The following OXR1 variants were observed in gnomAD, a reference collection of about 807,000 sequenced individuals.
OXR1 encodes oxidation resistance protein 1.
A neutral mutation model predicts 104.6 loss-of-function variants in OXR1; 41 were observed. That is an observed-to-expected ratio of 0.39 (90% CI 0.31 to 0.51). OXR1 has a LOEUF of 0.51. Ranked by LOEUF, OXR1 falls within the 20% of genes least tolerant of loss-of-function variation. The pLI is 0.77. For missense variants in OXR1, 955 were observed against 1,031.9 expected (o/e 0.93, Z 1.02); for synonymous variants, 348 against 348.4 (o/e 1.00, Z 0.01).
intron 2 of OXR1, among the ~76,000 whole-genome samples, chr8:106,391,284 A>G (rs1000890381): frequency 6.6e-6 from 1 of 152,240 alleles, no homozygotes; most frequent in Admixed American, 6.5e-5. Context: ...TTTACAAAAA[A>G]TACTTTAACA....
At chr8:106,597,620 G>T (rs1413398859) in intron 3 of OXR1, among the ~76,000 whole-genome samples, 1 of 152,112 alleles carries the variant, frequency 6.6e-6, no homozygotes, top group Non-Finnish European at 1.5e-5. Context: ...AGCTTGCAAA[G>T]TTCTTCTCAC....
At chr8:106,362,709 A>G (rs551340523) in intron 2 of OXR1, among the ~76,000 whole-genome samples, 8 of 152,322 alleles carry the variant, frequency 5.3e-5, no homozygotes, top group Non-Finnish European at 8.8e-5. Flanking sequence ...AAATAGAAAC[A>G]AAGGGATGCG....
chr8:106,626,838 TATA>T (rs1822211211), intron 3 of OXR1, among the ~76,000 whole-genome samples: 1 of 151,000 alleles, frequency 6.6e-6, no homozygotes, highest in African/African-American at 2.4e-5. Context: ...AAATATATAT[TATA>T]ATTATCATAT....
At chr8:106,290,887 A>T (rs1240650788) in intron 1 of OXR1, among the ~76,000 whole-genome samples, 1 of 152,132 alleles carries the variant, frequency 6.6e-6, no homozygotes, top group African/African-American at 2.4e-5. Flanking sequence ...CAGTTTGGAG[A>T]TTTCTCAAAT....
intron 2 of OXR1, among the ~76,000 whole-genome samples, chr8:106,373,654 A>G (rs1816798094): frequency 6.6e-6 from 1 of 152,114 alleles, no homozygotes. Context: ...CAATGGCATG[A>G]TCTTAGCTCA....
At chr8:106,717,814 TGTA>T (rs1444748797) in intron 11 of OXR1, among the ~76,000 whole-genome samples, 1 of 101,198 alleles carries the variant, frequency 9.9e-6, no homozygotes, top group Non-Finnish European at 2.1e-5. Context: ...TTACATCAGT[TGTA>T]GTAAATATTT....
intron 1 of OXR1, among the ~76,000 whole-genome samples, chr8:106,356,585 T>C (rs949531478): frequency 5.9e-5 from 9 of 152,152 alleles, no homozygotes; most frequent in South Asian, 2.1e-4. Context: ...TCTCCACTTA[T>C]GGTTTTTAGT....
rs1587262418 is a variant in OXR1 at position 106,728,302 on chromosome 8, G to A, written c.1957-9218G>A. Among the ~76,000 whole-genome samples, 5 of 149,926 alleles carry A rather than the reference G, an allele frequency of 3.3e-5. No homozygotes were observed. The South Asian group carries it at 8.5e-4, about 25-fold the overall frequency. ...AATTTGACTTTTTGGAGTTTATAAT[G>A]TGTAGCTTTTTAGAATTCTTCGTCT... On this transcript the variant is annotated intron_variant, in intron 11 of 16. Transcript: ENST00000517566.
chr8:106,706,776 A>C lies in OXR1; in HGVS notation c.1255A>C (p.Met419Leu). Reference protein sequence around the residue: ...CHKTDLNNLEMAIKEDQIADN... With the variant: ...CHKTDLNNLELAIKEDQIADN... ...TAAAACTGATTTAAATAATCTTGAA[A>C]TGGCCATTAAGGAAGATCAGATTGC... is the stretch of plus-strand genomic sequence containing the variant. Residue 419 changes from methionine to leucine, a missense_variant, in exon 9 of 17, where the codon ATG becomes CTG. Physicochemically the swap from Met to Leu is conservative, Grantham distance 15. Transcript: ENST00000517566. 6.2e-7 allele frequency: 1 copy of C among 1,612,534 alleles called. No homozygotes were observed. Among genetic ancestry groups the C allele is most frequent in the Non-Finnish European group, 8.5e-7 (1 of 1,179,504 alleles).
At chr8:106,372,898 T>C (rs1816766013) in intron 2 of OXR1, among the ~76,000 whole-genome samples, 2 of 152,218 alleles carry the variant, frequency 1.3e-5, no homozygotes, top group South Asian at 2.1e-4. Flanking sequence ...AGATGAATTA[T>C]GTTTTTATAA....
intron 2 of OXR1, among the ~76,000 whole-genome samples, chr8:106,442,644 A>T (rs1390784048): frequency 6.6e-6 from 1 of 151,896 alleles, no homozygotes; most frequent in African/African-American, 2.4e-5. Context: ...TTTAGTCTTG[A>T]TAGGGTGTAT....
chr8:106,430,651 T>G (rs1819325928), intron 2 of OXR1, among the ~76,000 whole-genome samples: 1 of 152,206 alleles, frequency 6.6e-6, no homozygotes, highest in Non-Finnish European at 1.5e-5. Flanking sequence ...CTTCCTATCA[T>G]GGTCTTCCAG....
intron 1 of OXR1, among the ~76,000 whole-genome samples, chr8:106,324,935 G>A (rs558409180): frequency 6.6e-6 from 1 of 152,236 alleles, no homozygotes; most frequent in South Asian, 2.1e-4. Flanking sequence ...ACACGGTAAA[G>A]GAATTAGAAC....
intron 3 of OXR1, among the ~76,000 whole-genome samples, chr8:106,606,613 C>G (rs1820419785): frequency 6.6e-6 from 1 of 151,856 alleles, no homozygotes; most frequent in Admixed American, 6.6e-5. Flanking sequence ...CACCTGGCCA[C>G]TATGATACTC....
intron 3 of OXR1, among the ~76,000 whole-genome samples, chr8:106,577,764 AGCCACCTGCTAGGCCCT>A (rs1181629251): frequency 6.6e-6 from 1 of 152,094 alleles, no homozygotes; most frequent in Non-Finnish European, 1.5e-5. Context: ...CTTTGCCAGC[AGCCACCTGCTAGGCCCT>A]GCCAGTAGGG....
chr8:106,680,946 T>C (rs902493458), intron 4 of OXR1, among the ~76,000 whole-genome samples: 1 of 152,342 alleles, frequency 6.6e-6, no homozygotes, highest in Middle Eastern at 3.4e-3. Flanking sequence ...CCTGACCTAC[T>C]GCTACTGCTG....
At chr8:106,407,002 AG>A (rs771684623) in intron 2 of OXR1, among the ~76,000 whole-genome samples, 1 of 152,140 alleles carries the variant, frequency 6.6e-6, no homozygotes, top group Non-Finnish European at 1.5e-5. Flanking sequence ...GAGTGGGAGC[AG>A]GGGGTATATG....
intron 7 of OXR1, among the ~76,000 whole-genome samples, chr8:106,694,258 A>G (rs1829599899): frequency 1.3e-5 from 2 of 151,406 alleles, no homozygotes; most frequent in African/African-American, 2.4e-5. Flanking sequence ...AATCAAATCA[A>G]ATTGAGTGAT....
chr8:106,286,645 A>G (rs938195410), intron 1 of OXR1, among the ~76,000 whole-genome samples: 2 of 152,024 alleles, frequency 1.3e-5, no homozygotes, highest in East Asian at 1.9e-4. Flanking sequence ...TTTTTCTCAT[A>G]TACAGAAATG....
Sources: gnomAD v4.1 joint callset for allele counts (sites outside exome capture counted in the v4.1 genomes callset) on GRCh38, gnomAD v4.1.1 for gene constraint, MANE v1.5 for transcripts, NCBI Gene and HGNC (gene_info 2026-07-23, HGNC 2026-07-21) for gene names.